The following CACNA1I variants were observed in gnomAD, a reference collection of about 807,000 sequenced individuals.
The protein encoded by CACNA1I is calcium voltage-gated channel subunit alpha1 I.
Under a neutral mutation model 201.6 loss-of-function variants are expected in CACNA1I, and 74 were observed. The observed-to-expected ratio is 0.37, with a 90% CI of 0.30 to 0.45. The LOEUF is 0.45. Ranked by LOEUF, CACNA1I falls within the 20% of genes least tolerant of loss-of-function variation. The pLI is 1.00. For synonymous variants in CACNA1I, 1,431 were observed against 1,345.2 expected, an observed-to-expected ratio of 1.06 and a Z score of -1.40; for missense variants, 2,346 against 3,138.1, an observed-to-expected ratio of 0.75 and a Z score of 6.03.
intron 4 of CACNA1I, among the ~76,000 whole-genome samples, chr22:39,628,392 G>A (rs999747622): frequency 6.6e-6 from 1 of 152,042 alleles, no homozygotes; most frequent in African/African-American, 2.4e-5. Flanking sequence ...CCAGAGGAGG[G>A]GGTGGTAGGA....
intron 1 of CACNA1I, among the ~76,000 whole-genome samples, chr22:39,589,054 G>A (rs1002238699): frequency 3.3e-5 from 5 of 152,162 alleles, no homozygotes; most frequent in African/African-American, 1.2e-4. Flanking sequence ...ACGTTGTAGG[G>A]TGTTTTAGCT....
Position 39,661,970 on chromosome 22 carries a change from C to T in CACNA1I, c.2907C>T (p.Ser969=). ...RMSYDQRSLS[S]SRSSYYGPWG... is the part of the protein sequence containing the mutation. ...CGAACGGGAACTCCTTCCAGTCCAG[C>T]TCCCGGAGCTCCTACTACGGGCCAT... Residue 969 remains serine (S), a synonymous_variant, in exon 17 of 37, where the codon AGC becomes AGT. Coordinates refer to ENST00000402142, the MANE Select transcript of CACNA1I (RefSeq NM_021096.4). The T allele has an allele frequency of 6.5e-7, 1 of 1,528,550 alleles. No individual in the cohort carries two copies. The highest frequency in any genetic ancestry group is 1.2e-5 in the South Asian group (1 of 81,054). 94.7% of individuals were successfully genotyped at this position (1,528,550 alleles called of 1,614,324 possible). A position where few individuals can be genotyped will look rare whatever the true frequency, so the allele number is the denominator to read the frequency against.
At position 39,677,443 on chromosome 22, in the gene CACNA1I, C is replaced by A; in HGVS notation, c.4933+24C>A. 7.0e-7 allele frequency: 1 copy of A among 1,432,882 alleles called. No homozygotes were observed. Among genetic ancestry groups the A allele is most frequent in the Non-Finnish European group, 9.5e-7 (1 of 1,055,222 alleles). The allele number at this position is 1,432,882 out of a possible 1,614,324, so 88.8% of individuals were successfully genotyped here. Reference sequence around the variant, plus strand: ...GGGTGAGTGACTCCCAGAGCAGGCCCGTGGTGGGGGTGCAGCAGGGCTGCA... The same window carrying A: ...GGGTGAGTGACTCCCAGAGCAGGCCAGTGGTGGGGGTGCAGCAGGGCTGCA... On this transcript the variant is annotated intron_variant, in intron 30 of 36. Transcript: ENST00000402142. This position sits in a 1 kb window ranked among gnomAD's most constrained non-coding sequence, Gnocchi z 4.8.
At chr22:39,620,732 TG>T (rs1311988260) in intron 4 of CACNA1I, among the ~76,000 whole-genome samples, 1 of 144,974 alleles carries the variant, frequency 6.9e-6, no homozygotes, top group Non-Finnish European at 1.5e-5. Context: ...GGTTTTTTTT[TG>T]TTGTTGTTGT....
chr22:39,651,907 C>G (rs911521950), intron 10 of CACNA1I, among the ~76,000 whole-genome samples: 1 of 152,218 alleles, frequency 6.6e-6, no homozygotes, highest in Non-Finnish European at 1.5e-5. Context: ...CCATCCATGT[C>G]AACACCACGG....
At chr22:39,639,688 AT>A (rs1934305177) in intron 5 of CACNA1I, among the ~76,000 whole-genome samples, 1 of 152,208 alleles carries the variant, frequency 6.6e-6, no homozygotes, top group African/African-American at 2.4e-5. Flanking sequence ...TATTTCCCAA[AT>A]AGATAGCAAC....
intron 3 of CACNA1I, among the ~76,000 whole-genome samples, chr22:39,617,184 C>A (rs1933563450): frequency 6.6e-6 from 1 of 152,246 alleles, no homozygotes; most frequent in Non-Finnish European, 1.5e-5. Context: ...GTCTACCCAT[C>A]CATCTTTCAG....
chr22:39,670,379 C>T (rs1048665152), intron 25 of CACNA1I, 149 bp downstream of exon 25: 1 of 815,134 alleles, frequency 1.2e-6, no homozygotes, highest in South Asian at 1.8e-5. Flanking sequence ...CCAGCATCTT[C>T]CTGTCCAGGG....
rs547185432 is a variant in CACNA1I at position 39,649,709 on chromosome 22, C to G, written c.1776C>G (p.Asp592Glu). Residue 592 changes from aspartate (D) to glutamate (E), a missense_variant, in exon 10 of 37, where the codon GAC becomes GAG. Asp to Glu is a conservative substitution (Grantham distance 45). Around this residue, in one of 13 missense-constraint regions of CACNA1I, gnomAD observed 312 missense variants for 331.5 expected, o/e 0.94. Transcript: ENST00000402142. The surrounding 1 kb of genome is among the most constrained non-coding windows in gnomAD (Gnocchi z 7.3). The stretch of plus-strand genomic sequence containing the variant: ...GTGGCGAGGACGAGGCGGATGGGGA[C>G]GGGGCCCGGAGCAGCGAGGACGGAG... The part of the protein sequence containing the change: ...SAGGEDEADG[D>E]GARSSEDGAS... The G allele has an allele frequency of 6.6e-7, 1 of 1,525,830 alleles. No homozygotes were observed. Among genetic ancestry groups the G allele is most frequent in the Non-Finnish European group, 8.8e-7 (1 of 1,134,126 alleles). The allele number at this position is 1,525,830 out of a possible 1,614,324, so 94.5% of individuals were successfully genotyped here.
chr22:39,577,955 A>G (rs142605059), intron 1 of CACNA1I, among the ~76,000 whole-genome samples: 3 of 152,196 alleles, frequency 2.0e-5, no homozygotes, highest in Admixed American at 2.0e-4. Context: ...TGGGGATATT[A>G]AGGGGGATCC....
At position 39,677,254 on chromosome 22, in the gene CACNA1I, C is replaced by T; in HGVS notation, c.4855-87C>T. ...TGCTCTGACCCACAGGCTGCCCAAC[C>T]CCACTGCCCCAGCCTCCACCCTTCC... On this transcript the variant is annotated intron_variant, in intron 29 of 36. Coordinates refer to ENST00000402142, the MANE Select transcript of CACNA1I (RefSeq NM_021096.4). The surrounding 1 kb of genome is among the most constrained non-coding windows in gnomAD (Gnocchi z 4.8). The T allele has an allele frequency of 2.3e-6, 2 of 857,444 alleles. No homozygotes were observed. The highest frequency in any genetic ancestry group is 2.7e-5 in the East Asian group (1 of 37,434). The allele number at this position is 857,444 out of a possible 1,614,324, so 53.1% of individuals were successfully genotyped here.
intron 5 of CACNA1I, 62 bp from the exon 6 acceptor site, chr22:39,640,805 C>A: frequency 7.2e-7 from 1 of 1,398,106 alleles, no homozygotes. Flanking sequence ...CTCTCCCTTC[C>A]TGATCCTCCT....
Position 39,666,356 on chromosome 22 carries a change from C to T in CACNA1I, c.4104+350C>T, listed in dbSNP as rs1356685195. 6.6e-6 allele frequency among the ~76,000 whole-genome samples: 1 copy of T among 152,116 alleles called. No individual in the cohort carries two copies. Among genetic ancestry groups the T allele is most frequent in the Non-Finnish European group, 1.5e-5 (1 of 68,010 alleles). ...GCTCTGCCACCTTCTGTAGGTGTGG[C>T]CTCCCTGAGCCTCAGTTTCCTCATC... On this transcript the variant is annotated intron_variant, in intron 23 of 36. Coordinates refer to ENST00000402142, the MANE Select transcript of CACNA1I (RefSeq NM_021096.4). The surrounding 1 kb of genome is among the most constrained non-coding windows in gnomAD (Gnocchi z 4.1).
At chr22:39,640,791 T>C in intron 5 of CACNA1I, 76 bp from the exon 6 acceptor site, 1 of 1,244,822 alleles carries the variant, frequency 8.0e-7, no homozygotes, top group Admixed American at 2.1e-5. Flanking sequence ...CTATGCTGCA[T>C]GGCCTCTCCC....
intron 26 of CACNA1I, among the ~76,000 whole-genome samples, 163 bp downstream of exon 26, chr22:39,671,117 C>T (rs893856706): frequency 6.6e-6 from 1 of 152,108 alleles, no homozygotes; most frequent in Non-Finnish European, 1.5e-5. Context: ...GGAGGAGGTG[C>T]CGGACAAGCT....
intron 3 of CACNA1I, among the ~76,000 whole-genome samples, chr22:39,614,000 G>T (rs1364687711): frequency 2.6e-5 from 4 of 152,164 alleles, no homozygotes; most frequent in Admixed American, 2.6e-4. Context: ...ACCATGCCCA[G>T]CTAATTTTTT....
Position 39,661,147 on chromosome 22 carries a change from A to T in CACNA1I, c.2738A>T (p.His913Leu), listed in dbSNP as rs1232672080. ...LCPIPMTPNGHLDPSLPLGGH... is the reference protein window; with the variant it reads ...LCPIPMTPNGLLDPSLPLGGH... ...CCAATCCCCATGACCCCCAATGGGC[A>T]CCTGGACCCCAGTCTCCCACTGGGT... The change falls in exon 16 of 37, where the codon CAC becomes CTC. Residue 913 changes from histidine to leucine, a missense_variant. Physicochemically the swap from His to Leu is moderately conservative, Grantham distance 99 (BLOSUM62 -3). Around this residue, in one of 13 missense-constraint regions of CACNA1I, gnomAD observed 92 missense variants for 114.5 expected, o/e 0.80. Transcript: ENST00000402142. 1 of 1,613,178 alleles carries T rather than the reference A, an allele frequency of 6.2e-7. No individual in the cohort carries two copies. Among genetic ancestry groups the T allele is most frequent in the Non-Finnish European group, 8.5e-7 (1 of 1,179,726 alleles).
intron 5 of CACNA1I, among the ~76,000 whole-genome samples, chr22:39,635,117 G>A (rs1934172452): frequency 6.6e-6 from 1 of 152,144 alleles, no homozygotes; most frequent in African/African-American, 2.4e-5. Flanking sequence ...CTGAAAAATT[G>A]GACACCTATA....
Position 39,672,214 on chromosome 22 carries a change from C to T in CACNA1I, c.4555C>T (p.Leu1519Phe). The T allele has an allele frequency of 6.2e-7, 1 of 1,612,894 alleles. No individual in the cohort carries two copies. Among genetic ancestry groups the T allele is most frequent in the Non-Finnish European group, 8.5e-7 (1 of 1,178,948 alleles). Residue 1519 changes from leucine (L) to phenylalanine (F), a missense_variant, in exon 27 of 37, where the codon CTC becomes TTC. Physicochemically the swap from Leu to Phe is conservative, Grantham distance 22 (BLOSUM62 0). This residue lies in a region of CACNA1I where 228 missense variants were observed against 395.7 expected (regional missense o/e 0.58). Transcript: ENST00000402142. ...YNQPTSLETA[L>F]KYCNYMFTTV... is the part of the protein sequence containing the mutation. ...TCCTCCATAGTCCCTGGAGACAGCCCTCAAGTACTGCAACTATATGTTCAC... is the reference window on the plus strand; with the variant it reads ...TCCTCCATAGTCCCTGGAGACAGCCTTCAAGTACTGCAACTATATGTTCAC...
Sources: gnomAD v4.1 joint callset for allele counts (sites outside exome capture counted in the v4.1 genomes callset) on GRCh38, gnomAD v4.1.1 for gene constraint, gnomAD v4.1.1 regional missense constraint, Gnocchi (gnomAD v3.1) non-coding constraint, MANE v1.5 for transcripts, NCBI Gene and HGNC (gene_info 2026-07-23, HGNC 2026-07-21) for gene names.